The following AOPEP variants were observed in gnomAD, a reference collection of about 807,000 sequenced individuals.
AOPEP encodes the protein aminopeptidase O.
In AOPEP, 77 loss-of-function variants were observed where a neutral mutation model predicts 98.1. That is an observed-to-expected ratio of 0.78 (90% CI 0.65 to 0.95). The LOEUF is 0.95. AOPEP is among the 40% of genes least tolerant of loss of function. AOPEP has a pLI of 0.00. For synonymous variants in AOPEP, 346 were observed against 365.3 expected (o/e 0.95, Z 0.60); for missense variants, 1,024 against 1,024.7 (o/e 1.00, Z 0.01).
intron 5 of AOPEP, among the ~76,000 whole-genome samples, chr9:94,899,661 G>T (rs1398274788): frequency 6.6e-6 from 1 of 151,540 alleles, no homozygotes; most frequent in African/African-American, 2.4e-5. Context: ...GAGGTGGGAG[G>T]ATTGCGTGAA....
At chr9:94,942,404 A>G (rs917401379) in intron 7 of AOPEP, among the ~76,000 whole-genome samples, 6 of 152,138 alleles carry the variant, frequency 3.9e-5, no homozygotes, top group East Asian at 1.9e-4. Context: ...CAAAAACTAT[A>G]TGGGTATTCT....
intron 2 of AOPEP, among the ~76,000 whole-genome samples, chr9:94,769,967 G>A (rs1406572203): frequency 2.0e-5 from 3 of 152,232 alleles, no homozygotes; most frequent in Admixed American, 1.3e-4. Context: ...TCCAGTTGGT[G>A]GAAGGACCAG....
Position 94,993,849 on chromosome 9 carries a change from A to C in AOPEP, c.1978-11309A>C, listed in dbSNP as rs568524481. On this transcript the variant is annotated intron_variant, in intron 11 of 16. Transcript: ENST00000375315. ...ATGCATGGAAGGGAGGCCAAAGTCA[A>C]TACATCAGAATTTGGGACTCAGACT... is the stretch of plus-strand genomic sequence containing the variant. Among the ~76,000 whole-genome samples, 89 of 152,312 alleles carry C rather than the reference A, an allele frequency of 5.8e-4. 3 individuals are homozygous for C. The South Asian group carries it at 9.3e-3, about 16-fold the overall frequency.
chr9:94,736,521 C>A (rs1316815671), intron 1 of AOPEP, among the ~76,000 whole-genome samples: 1 of 152,094 alleles, frequency 6.6e-6, no homozygotes. Context: ...CTCTATTAAT[C>A]TAGATCCTCT....
intron 5 of AOPEP, among the ~76,000 whole-genome samples, chr9:94,820,484 T>C (rs891960760): frequency 1.3e-5 from 2 of 152,226 alleles, no homozygotes; most frequent in Admixed American, 6.5e-5. Context: ...TATTAGGCCT[T>C]AAAGAGTTTC....
chr9:94,848,569 C>T (rs908615353), intron 5 of AOPEP, among the ~76,000 whole-genome samples: 15 of 151,766 alleles, frequency 9.9e-5, no homozygotes, highest in African/African-American at 3.6e-4. Flanking sequence ...TTGCAGTGAG[C>T]CAAGATCACG....
intron 11 of AOPEP, among the ~76,000 whole-genome samples, chr9:94,986,651 A>G (rs967607359): frequency 1.3e-5 from 2 of 152,208 alleles, no homozygotes; most frequent in African/African-American, 4.8e-5. Flanking sequence ...GGAAGGGTCC[A>G]TTCCCCCAGA....
At chr9:95,135,223 A>T in the AOPEP span, 1 of 957,264 alleles carries the variant, frequency 1.0e-6, no homozygotes. Flanking sequence ...TAAATACACG[A>T]TTATATATAA....
intron 9 of AOPEP, among the ~76,000 whole-genome samples, chr9:94,961,529 T>C (rs538157099): frequency 9.2e-5 from 14 of 152,308 alleles, no homozygotes; most frequent in Admixed American, 3.3e-4. Flanking sequence ...ACCCCTTTAT[T>C]GTTAGTGTTA....
At chr9:94,755,334 C>A (rs1836763643) in intron 1 of AOPEP, among the ~76,000 whole-genome samples, 1 of 152,222 alleles carries the variant, frequency 6.6e-6, no homozygotes, top group Non-Finnish European at 1.5e-5. Context: ...TGGCCACATA[C>A]ATGCATTTGC....
chr9:94,919,042 G>A (rs2053224909), intron 5 of AOPEP, among the ~76,000 whole-genome samples: 1 of 151,944 alleles, frequency 6.6e-6, no homozygotes, highest in African/African-American at 2.4e-5. Context: ...CAGCCTCCTA[G>A]TAGCTGGGAT....
intron 1 of AOPEP, among the ~76,000 whole-genome samples, chr9:94,743,982 G>A (rs1316978316): frequency 6.6e-6 from 1 of 152,154 alleles, no homozygotes; most frequent in African/African-American, 2.4e-5. Flanking sequence ...GGTCCAGCGT[G>A]GGCTACTCAG....
At chr9:94,970,657 G>T (rs1456876767) in intron 10 of AOPEP, among the ~76,000 whole-genome samples, 1 of 151,320 alleles carries the variant, frequency 6.6e-6, no homozygotes, top group African/African-American at 2.4e-5. Flanking sequence ...CAAAGGAAAT[G>T]TGGCTTGTTT....
intron 1 of AOPEP, among the ~76,000 whole-genome samples, chr9:94,755,545 C>T (rs939393170): frequency 6.6e-6 from 1 of 152,222 alleles, no homozygotes; most frequent in Non-Finnish European, 1.5e-5. Context: ...CAGTGCTCTT[C>T]AGAATCTTCT....
At chr9:94,907,623 C>T (rs1250673944) in intron 5 of AOPEP, among the ~76,000 whole-genome samples, 1 of 152,150 alleles carries the variant, frequency 6.6e-6, no homozygotes, top group East Asian at 1.9e-4. Context: ...CCAGTCTTCC[C>T]CAGAGCCTCT....
intron 13 of AOPEP, among the ~76,000 whole-genome samples, chr9:95,037,659 G>A (rs1226929534): frequency 6.6e-6 from 1 of 152,192 alleles, no homozygotes; most frequent in Non-Finnish European, 1.5e-5. Context: ...AGTAGGAATG[G>A]TCCAGCTAGT....
chr9:94,906,455 A>AAATACT (rs1554765110), intron 5 of AOPEP, among the ~76,000 whole-genome samples: 1 of 114,346 alleles, frequency 8.7e-6, no homozygotes, highest in African/African-American at 3.0e-5. Context: ...ACCCTGTCTG[A>AAATACT]AATAATAATA....
intron 13 of AOPEP, among the ~76,000 whole-genome samples, chr9:95,059,352 G>T (rs2067115043): frequency 6.6e-6 from 1 of 152,168 alleles, no homozygotes; most frequent in African/African-American, 2.4e-5. Context: ...TTGGTGTCTT[G>T]TCTCCTTTCT....
At chr9:94,772,119 A>C (rs1841031824) in intron 2 of AOPEP, among the ~76,000 whole-genome samples, 2 of 152,256 alleles carry the variant, frequency 1.3e-5, no homozygotes, top group African/African-American at 4.8e-5. Context: ...TTTACTTTAT[A>C]AGTCAAGCTG....
Sources: gnomAD v4.1 joint callset for allele counts (sites outside exome capture counted in the v4.1 genomes callset) on GRCh38, gnomAD v4.1.1 for gene constraint, MANE v1.5 for transcripts, NCBI Gene and HGNC (gene_info 2026-07-23, HGNC 2026-07-21) for gene names.